Variants in HMCN1 observed in about 807,000 individuals in gnomAD.
HMCN1 encodes hemicentin-1.
A neutral mutation model predicts 625.9 loss-of-function variants in HMCN1; 321 were observed. The observed-to-expected ratio is 0.51, with a 90% CI of 0.47 to 0.56. The LOEUF is 0.56. Among genes scored for constraint, HMCN1 ranks in the 20% least tolerant of loss-of-function variants. The pLI, the probability that HMCN1 is intolerant of heterozygous loss-of-function variation, is 0.00. For synonymous variants in HMCN1, 2,425 were observed against 2,417.6 expected (o/e 1.00, Z -0.09); for missense variants, 6,588 against 6,887.3 (o/e 0.96, Z 1.54).
At chr1:185,760,662 A>C (rs1390709550) in intron 1 of HMCN1, among the ~76,000 whole-genome samples, 1 of 152,188 alleles carries the variant, frequency 6.6e-6, no homozygotes, top group Non-Finnish European at 1.5e-5. Context: ...AATGTTAAGA[A>C]AATTGGAATT....
chr1:185,746,605 C>CTTTTTTTT (rs59992589), intron 1 of HMCN1, among the ~76,000 whole-genome samples: 1 of 132,356 alleles, frequency 7.6e-6, no homozygotes, highest in African/African-American at 2.9e-5. Flanking sequence ...TTTCCTTTTC[C>CTTTTTTTT]TTTTTTTTTT....
intron 1 of HMCN1, among the ~76,000 whole-genome samples, chr1:185,828,937 C>G (rs1660688360): frequency 6.6e-6 from 1 of 151,910 alleles, no homozygotes; most frequent in African/African-American, 2.4e-5. Context: ...ACAAAATTAA[C>G]CTATGCAAAG....
Position 185,787,141 on chromosome 1 carries a change from ATGTGTGTG to A in HMCN1, c.268+52125_268+52132del, listed in dbSNP as rs375544191. Among the ~76,000 whole-genome samples the A allele has an allele frequency of 1.1e-4, 16 of 141,342 alleles. No individual in the cohort carries two copies. In the South Asian group the frequency reaches 1.4e-3, roughly 12 times the overall value. 92.7% of individuals were successfully genotyped at this position (141,342 alleles called of 152,430 possible). A position where few individuals can be genotyped will look rare whatever the true frequency, so the allele number is the denominator to read the frequency against. ...AAAATTGTATGAAGCGCCATGATGT[ATGTGTGTG>A]TGTGTGTGTGTGTGTGTGTGTGTGT... On this transcript the variant is annotated intron_variant, in intron 1 of 106. Coordinates refer to ENST00000271588, the MANE Select transcript of HMCN1 (RefSeq NM_031935.3).
intron 66 of HMCN1, among the ~76,000 whole-genome samples, 187 bp from the exon 67 acceptor site, chr1:186,094,089 C>G (rs2102419342): frequency 6.6e-6 from 1 of 152,132 alleles, no homozygotes. Context: ...ATTGTCACTG[C>G]CTAATCAGCT....
intron 11 of HMCN1, among the ~76,000 whole-genome samples, chr1:185,946,672 A>G (rs1668361566): frequency 6.6e-6 from 1 of 152,258 alleles, no homozygotes; most frequent in Admixed American, 6.5e-5. Flanking sequence ...CATTCTTCCT[A>G]TCAACCATAT....
In HMCN1 at chr1:186,007,124, C is replaced by A; in HGVS notation, c.4476-4C>A. The stretch of plus-strand genomic sequence containing the variant: ...CCCATGGAATAAAGTTTTATTTTTT[C>A]TAGGCCTTTATTTTTGGGCGATCCT... On this transcript the variant is annotated splice_polypyrimidine_tract_variant and splice_region_variant and intron_variant, in intron 29 of 106. Transcript: ENST00000271588. 1 of 1,608,622 alleles carries A rather than the reference C, an allele frequency of 6.2e-7. No homozygotes were observed.
intron 52 of HMCN1, among the ~76,000 whole-genome samples, chr1:186,071,907 T>C (rs771224008): frequency 2.0e-5 from 3 of 152,204 alleles, no homozygotes; most frequent in Non-Finnish European, 2.9e-5. Flanking sequence ...TCATTCCTTA[T>C]AGTTACCACA....
chr1:185,913,547 T>A (rs938413497), intron 6 of HMCN1, among the ~76,000 whole-genome samples: 3 of 152,248 alleles, frequency 2.0e-5, no homozygotes, highest in Middle Eastern at 6.8e-3. Context: ...CTGGAGTAAT[T>A]TTTTCTTGCT....
At chr1:186,132,145 TTCTC>T (rs1194111475) in intron 85 of HMCN1, among the ~76,000 whole-genome samples, 179 bp from the exon 86 acceptor site, 1 of 152,082 alleles carries the variant, frequency 6.6e-6, no homozygotes, top group African/African-American at 2.4e-5. Context: ...CCCCTCCTCT[TTCTC>T]TTCCTCCTCC....
intron 64 of HMCN1, among the ~76,000 whole-genome samples, chr1:186,092,187 C>T (rs1490894182): frequency 1.3e-5 from 2 of 151,814 alleles, no homozygotes; most frequent in Non-Finnish European, 2.9e-5. Flanking sequence ...CTTTATTATT[C>T]ATTCCATAAT....
chr1:186,137,568 G>C lies in HMCN1; in HGVS notation c.13653G>C (p.Lys4551Asn). ...CSVTCGKGIQKRSRLCNQPLP... is the reference protein window; with the variant it reads ...CSVTCGKGIQNRSRLCNQPLP... Reference sequence around the variant, plus strand: ...TCACCTGTGGAAAAGGCATCCAAAAGAGGAGTCGTCTGTGCAACCAGCCCC... The same window carrying C: ...TCACCTGTGGAAAAGGCATCCAAAACAGGAGTCGTCTGTGCAACCAGCCCC... Residue 4551 changes from lysine (K) to asparagine (N), a missense_variant, in exon 88 of 107, where the codon AAG (lysine) becomes AAC (asparagine). This residue lies in a region of HMCN1 where 1,954 missense variants were observed against 2,013.1 expected (regional missense o/e 0.97). Coordinates refer to ENST00000271588, the MANE Select transcript of HMCN1 (RefSeq NM_031935.3). 6.2e-7 allele frequency: 1 copy of C among 1,613,918 alleles called. No homozygotes were observed. The highest frequency in any genetic ancestry group is 8.5e-7 in the Non-Finnish European group (1 of 1,179,942).
At chr1:185,844,349 C>A (rs916300103) in intron 1 of HMCN1, among the ~76,000 whole-genome samples, 2 of 152,112 alleles carry the variant, frequency 1.3e-5, no homozygotes, top group Admixed American at 1.3e-4. Flanking sequence ...AGTGTCTAAT[C>A]TATAGTGAAG....
At chr1:186,080,284 A>G (rs1457401390) in intron 55 of HMCN1, among the ~76,000 whole-genome samples, 1 of 152,226 alleles carries the variant, frequency 6.6e-6, no homozygotes, top group Non-Finnish European at 1.5e-5. Flanking sequence ...ACCACAAGAT[A>G]GCATCTACAT....
At chr1:186,038,762 G>A (rs1193970708) in intron 37 of HMCN1, 67 bp from the exon 38 acceptor site, 7 of 874,948 alleles carry the variant, frequency 8.0e-6, no homozygotes, top group Non-Finnish European at 1.4e-5. Flanking sequence ...ACTTAGCTAA[G>A]ATCCAACTTA....
chr1:185,767,783 C>T lies in HMCN1; in HGVS notation c.268+32736C>T, dbSNP rs537950758. The stretch of plus-strand genomic sequence containing the variant: ...GCATAATAGATCATATTTCATATCA[C>T]TCATTTAAATCAGGGCATTAATTTT... On this transcript the variant is annotated intron_variant, in intron 1 of 106. Coordinates refer to ENST00000271588, the MANE Select transcript of HMCN1 (RefSeq NM_031935.3). Among the ~76,000 whole-genome samples the T allele has an allele frequency of 4.6e-5, 7 of 152,074 alleles. No individual in the cohort carries two copies. The South Asian group carries it at 1.4e-3, about 31-fold the overall frequency.
intron 89 of HMCN1, among the ~76,000 whole-genome samples, chr1:186,138,392 C>A (rs1193729007): frequency 6.6e-6 from 1 of 152,110 alleles, no homozygotes; most frequent in African/African-American, 2.4e-5. Context: ...AAATACTTGC[C>A]ACATAATAGG....
intron 83 of HMCN1, 121 bp from the exon 84 acceptor site, chr1:186,129,845 A>T: frequency 8.5e-7 from 1 of 1,171,874 alleles, no homozygotes. Context: ...CTCTTCTCCA[A>T]TGTCATCTCT....
At chr1:185,817,320 G>T (rs990891156) in intron 1 of HMCN1, among the ~76,000 whole-genome samples, 2 of 152,132 alleles carry the variant, frequency 1.3e-5, no homozygotes, top group Admixed American at 1.3e-4. Flanking sequence ...AAGGATGTGT[G>T]GGCAGCAATA....
At chr1:185,959,272 G>A (rs907241540) in intron 11 of HMCN1, among the ~76,000 whole-genome samples, 1 of 152,122 alleles carries the variant, frequency 6.6e-6, no homozygotes, top group African/African-American at 2.4e-5. Flanking sequence ...CAGCTGACAG[G>A]AAATGTGTCT....
Sources: gnomAD v4.1 joint callset for allele counts (sites outside exome capture counted in the v4.1 genomes callset) on GRCh38, gnomAD v4.1.1 for gene constraint, gnomAD v4.1.1 regional missense constraint, MANE v1.5 for transcripts, NCBI Gene and HGNC (gene_info 2026-07-23, HGNC 2026-07-21) for gene names.